The following BSPH1 variants were observed in gnomAD, a reference collection of about 807,000 sequenced individuals.
BSPH1 encodes the protein binder of sperm 1.
In BSPH1, 21 loss-of-function variants were observed where a neutral mutation model predicts 22.5. The ratio of observed to expected loss-of-function variants is 0.93; its 90% CI spans 0.66 to 1.35. The LOEUF (loss-of-function observed/expected upper bound fraction) is 1.35. BSPH1 is among the 40% of genes most tolerant of loss of function. The pLI is 0.00. For synonymous variants in BSPH1, 42 were observed against 53.6 expected (o/e 0.78, Z 0.95); for missense variants, 141 against 154.2 (o/e 0.91, Z 0.45).
At chr19:47,976,017 G>A (rs1969359557) in intron 5 of BSPH1, among the ~76,000 whole-genome samples, 1 of 152,156 alleles carries the variant, frequency 6.6e-6, no homozygotes, top group African/African-American at 2.4e-5. Flanking sequence ...GAAAAATTGA[G>A]TAGTAGGTAT....
rs537703163 is a variant in BSPH1, at chr19:47,985,600, C to T, written c.74-4659G>A. Among the ~76,000 whole-genome samples the T allele has an allele frequency of 2.0e-5, 3 of 152,144 alleles. No individual in the cohort carries two copies. The South Asian group carries it at 6.2e-4, about 32-fold the overall frequency. The stretch of plus-strand genomic sequence containing the variant: ...CTGTAATCCCAGCACTATGGGAGGC[C>T]GAGGCGGGCAGATCACCTGAGGTCA... On this transcript the variant is annotated intron_variant, in intron 1 of 5. Coordinates refer to ENST00000344839, the MANE Select transcript of BSPH1 (RefSeq NM_001128326.2).
intron 1 of BSPH1, among the ~76,000 whole-genome samples, chr19:47,984,270 A>G (rs935695835): frequency 6.7e-6 from 1 of 149,694 alleles, no homozygotes; most frequent in Non-Finnish European, 1.5e-5. Context: ...AAGGGCCCCT[A>G]AAAATTAATA....
At chr19:47,977,662 C>G in intron 3 of BSPH1, 158 bp from the exon 4 acceptor site, 1 of 985,286 alleles carries the variant, frequency 1.0e-6, no homozygotes, top group Non-Finnish European at 1.2e-6. Context: ...CTTTGGCTCT[C>G]TAATGACAAA....
chr19:47,991,220 C>A (rs548953726), intron 1 of BSPH1, among the ~76,000 whole-genome samples: 14 of 152,074 alleles, frequency 9.2e-5, no homozygotes, highest in Non-Finnish European at 1.3e-4. Context: ...CCGACCACAC[C>A]GCGAATCAGG....
chr19:47,982,406 T>C (rs1969427542), intron 1 of BSPH1, among the ~76,000 whole-genome samples: 1 of 152,264 alleles, frequency 6.6e-6, no homozygotes, highest in South Asian at 2.1e-4. Flanking sequence ...TATTTGCTCG[T>C]GTTTATTCAT....
chr19:47,975,755 A>C (rs1444766560), intron 5 of BSPH1, among the ~76,000 whole-genome samples: 1 of 147,408 alleles, frequency 6.8e-6, no homozygotes, highest in African/African-American at 2.5e-5. Context: ...TCCCGTGTTC[A>C]CGCCATTCTC....
chr19:47,968,366 T>C (rs1423471940), intron 5 of BSPH1, among the ~76,000 whole-genome samples, 157 bp from the exon 6 acceptor site: 1 of 94,622 alleles, frequency 1.1e-5, no homozygotes, highest in Non-Finnish European at 2.6e-5. Flanking sequence ...CTTTTTTCTT[T>C]TTTTTTTTTT....
In BSPH1 at chr19:47,989,395, C is replaced by T. The variant is rs1032600480; in HGVS notation, c.73+2614G>A. On this transcript the variant is annotated intron_variant, in intron 1 of 5. Coordinates refer to ENST00000344839, the MANE Select transcript of BSPH1 (RefSeq NM_001128326.2). The stretch of plus-strand genomic sequence containing the variant: ...TCCTGACCTTGTGATCCGCCCGCCT[C>T]GGCCTCCCAAAGTGCTGGGATTACA... Among the ~76,000 whole-genome samples, 6 of 151,954 alleles carry T rather than the reference C, an allele frequency of 3.9e-5. No individual in the cohort carries two copies. The South Asian group carries it at 6.2e-4, about 16-fold the overall frequency.
At chr19:47,977,921 G>A (rs1435869186) in intron 3 of BSPH1, among the ~76,000 whole-genome samples, 2 of 148,624 alleles carry the variant, frequency 1.3e-5, no homozygotes, top group Non-Finnish European at 3.0e-5. Context: ...TGTCACCTGG[G>A]TATATCTGTG....
rs1479600720 is a variant in BSPH1 at position 47,991,998 on chromosome 19, A to G, written c.73+11T>C. On this transcript the variant is annotated intron_variant, in intron 1 of 5. Transcript: ENST00000344839. ...TACCTTGCATAGGAAGAAATATAGA[A>G]AAAGAAATACTTAAAATAACAGGGA... The G allele has an allele frequency of 9.8e-6, 15 of 1,529,730 alleles. No homozygotes were observed. Among genetic ancestry groups the G allele is most frequent in the African/African-American group, 2.8e-5 (2 of 72,554 alleles). The allele number at this position is 1,529,730 out of a possible 1,614,324, so 94.8% of individuals were successfully genotyped here.
At chr19:47,991,965 A>C in intron 1 of BSPH1, 44 bp downstream of exon 1, 1 of 1,305,254 alleles carries the variant, frequency 7.7e-7, no homozygotes, top group Middle Eastern at 1.8e-4. Context: ...CTCCAAAGTT[A>C]AGCTATCTAC....
At chr19:47,989,742 G>A (rs1969505565) in intron 1 of BSPH1, among the ~76,000 whole-genome samples, 1 of 152,144 alleles carries the variant, frequency 6.6e-6, no homozygotes, top group African/African-American at 2.4e-5. Flanking sequence ...ATTGCTGTGG[G>A]GACCCAGCTG....
intron 3 of BSPH1, chr19:47,977,752 GC>G (rs1969378952): frequency 2.3e-6 from 2 of 878,656 alleles, no homozygotes; most frequent in Admixed American, 6.2e-5. Context: ...CTTAGCATTT[GC>G]CCCAGTTTCA....
chr19:47,985,079 G>GAA lies in BSPH1; in HGVS notation c.74-4140_74-4139dup, dbSNP rs1568398831. Among the ~76,000 whole-genome samples, 18 of 73,146 alleles carry GAA rather than the reference G, an allele frequency of 2.5e-4. 1 individual carries two copies. The South Asian group carries it at 5.1e-3, about 21-fold the overall frequency. 48.0% of individuals were successfully genotyped at this position (73,146 alleles called of 152,430 possible). A position where few individuals can be genotyped will look rare whatever the true frequency, so the allele number is the denominator to read the frequency against. On this transcript the variant is annotated intron_variant, in intron 1 of 5. Coordinates refer to ENST00000344839, the MANE Select transcript of BSPH1 (RefSeq NM_001128326.2). ...ACTCTGTCTGAAAAAAAAAAAAAAAGAAAGAAAAAGAAAAAGAAAACTGCC... is the reference window on the plus strand; with the variant it reads ...ACTCTGTCTGAAAAAAAAAAAAAAAGAAAAAGAAAAAGAAAAAGAAAACTGCC...
At chr19:47,972,269 A>G (rs1289736938) in intron 5 of BSPH1, among the ~76,000 whole-genome samples, 1 of 145,244 alleles carries the variant, frequency 6.9e-6, no homozygotes, top group Non-Finnish European at 1.5e-5. Flanking sequence ...TCCCATGCTA[A>G]CCTTGATATT....
At chr19:47,979,310 G>GT (rs11387165) in intron 3 of BSPH1, among the ~76,000 whole-genome samples, 103,920 of 151,784 alleles carry the variant, frequency 0.68, 36,055 homozygotes, top group African/African-American at 0.79. Flanking sequence ...ATTATTGGAT[G>GT]TTTTTCTATA....
At chr19:47,981,960 T>C (rs1221825881) in intron 1 of BSPH1, among the ~76,000 whole-genome samples, 2 of 152,220 alleles carry the variant, frequency 1.3e-5, no homozygotes, top group Non-Finnish European at 2.9e-5. Context: ...AAATATTACA[T>C]AACTGTTACA....
chr19:47,990,266 G>A (rs777854899), intron 1 of BSPH1, among the ~76,000 whole-genome samples: 1 of 152,142 alleles, frequency 6.6e-6, no homozygotes, highest in Non-Finnish European at 1.5e-5. Flanking sequence ...TAACGAGCCC[G>A]GGGCCCATGA....
intron 1 of BSPH1, among the ~76,000 whole-genome samples, chr19:47,981,276 T>C (rs1162094014): frequency 2.6e-5 from 4 of 152,220 alleles, no homozygotes; most frequent in Non-Finnish European, 5.9e-5. Flanking sequence ...CTATAGGTTT[T>C]TATTTCTGTC....
Sources: gnomAD v4.1 joint callset for allele counts (sites outside exome capture counted in the v4.1 genomes callset) on GRCh38, gnomAD v4.1.1 for gene constraint, MANE v1.5 for transcripts, NCBI Gene and HGNC (gene_info 2026-07-23, HGNC 2026-07-21) for gene names.